Variants in COG5 observed in about 807,000 individuals in gnomAD.
COG5 encodes the protein conserved oligomeric Golgi complex subunit 5.
COG5 carries 86 observed loss-of-function variants against 110.4 expected under a neutral mutation model. The observed-to-expected ratio is 0.78, with a 90% CI of 0.65 to 0.93. COG5 has a LOEUF of 0.93. Ranked by LOEUF, COG5 falls within the 40% of genes least tolerant of loss-of-function variation. COG5 has a pLI of 0.00. For missense variants in COG5, 1,077 were observed against 987.0 expected, an observed-to-expected ratio of 1.09 and a Z score of -1.22; for synonymous variants, 360 against 334.6, an observed-to-expected ratio of 1.08 and a Z score of -0.83.
chr7:107,561,067 A>G (rs1254416031), intron 1 of COG5, among the ~76,000 whole-genome samples: 3 of 152,246 alleles, frequency 2.0e-5, no homozygotes, highest in African/African-American at 7.2e-5. Context: ...GCAAAAGCCA[A>G]AAGAAGGGAT....
intron 21 of COG5, among the ~76,000 whole-genome samples, chr7:107,206,949 T>C (rs189418311): frequency 1.3e-5 from 2 of 152,270 alleles, no homozygotes; most frequent in East Asian, 3.9e-4. Flanking sequence ...CTCTGGTTTG[T>C]AACCAAAATA....
intron 6 of COG5, among the ~76,000 whole-genome samples, chr7:107,438,469 AC>A (rs1464050309): frequency 6.6e-6 from 1 of 152,206 alleles, no homozygotes; most frequent in Admixed American, 6.5e-5. Flanking sequence ...GTTTTAAGCC[AC>A]TGCTTTATCT....
At chr7:107,495,653 C>A (rs944523901) in intron 6 of COG5, among the ~76,000 whole-genome samples, 1 of 152,126 alleles carries the variant, frequency 6.6e-6, no homozygotes, top group Non-Finnish European at 1.5e-5. Context: ...GACTTCAAAG[C>A]AGCTACTATT....
chr7:107,506,996 C>G (rs1245967526), intron 6 of COG5, among the ~76,000 whole-genome samples: 1 of 152,256 alleles, frequency 6.6e-6, no homozygotes, highest in East Asian at 1.9e-4. Flanking sequence ...ACTGGGAAAG[C>G]ACGCAAGGCT....
intron 6 of COG5, among the ~76,000 whole-genome samples, chr7:107,495,574 T>C (rs756154066): frequency 2.0e-5 from 3 of 152,108 alleles, no homozygotes; most frequent in Non-Finnish European, 4.4e-5. Context: ...ATGATCCATA[T>C]GCATGAAAAG....
intron 17 of COG5, among the ~76,000 whole-genome samples, chr7:107,244,339 G>C (rs1347270460): frequency 6.6e-6 from 1 of 152,136 alleles, no homozygotes; most frequent in African/African-American, 2.4e-5. Context: ...CTGTTAAGAG[G>C]AAAATTCATA....
chr7:107,515,702 T>C (rs1241799992), intron 6 of COG5, among the ~76,000 whole-genome samples: 1 of 152,212 alleles, frequency 6.6e-6, no homozygotes, highest in African/African-American at 2.4e-5. Flanking sequence ...AGAAACTCCC[T>C]ACAAATCATC....
chr7:107,454,564 G>C (rs747052066), intron 6 of COG5, among the ~76,000 whole-genome samples: 11 of 152,088 alleles, frequency 7.2e-5, no homozygotes, highest in Admixed American at 5.2e-4. Context: ...CTTAGTATAA[G>C]GATGATCCTG....
Position 107,312,961 on chromosome 7 carries a change from T to C in COG5, c.1108+11479A>G, listed in dbSNP as rs577318672. ...ATGGAACATTTGCTGAGTTCTGCGATTGTGAGGGAAGCCAGGGAATTAGGT... is the reference window on the plus strand; with the variant it reads ...ATGGAACATTTGCTGAGTTCTGCGACTGTGAGGGAAGCCAGGGAATTAGGT... On this transcript the variant is annotated intron_variant, in intron 11 of 21. Transcript: ENST00000297135. Among the ~76,000 whole-genome samples the C allele has an allele frequency of 5.3e-5, 8 of 152,258 alleles. No homozygotes were observed. In the East Asian group the frequency reaches 1.4e-3, roughly 26 times the overall value.
At chr7:107,442,999 T>G (rs1375470331) in intron 6 of COG5, among the ~76,000 whole-genome samples, 1 of 152,138 alleles carries the variant, frequency 6.6e-6, no homozygotes, top group Non-Finnish European at 1.5e-5. Flanking sequence ...TGCAGGTCCA[T>G]GAAAATAGGA....
At chr7:107,471,455 C>T (rs1018417127) in intron 6 of COG5, 1 of 151,958 alleles carries the variant, frequency 6.6e-6, no homozygotes, top group African/African-American at 2.4e-5. Context: ...GTCTGAACTA[C>T]GAACTGCAAG....
At chr7:107,517,456 G>C (rs549645744) in intron 6 of COG5, among the ~76,000 whole-genome samples, 1 of 152,240 alleles carries the variant, frequency 6.6e-6, no homozygotes, top group East Asian at 1.9e-4. Context: ...CCCCAGCCTA[G>C]CAAGACAGGC....
chr7:107,413,938 C>A (rs1271293469), intron 6 of COG5, among the ~76,000 whole-genome samples: 2 of 152,136 alleles, frequency 1.3e-5, no homozygotes, highest in African/African-American at 2.4e-5. Context: ...ATTCACTTGG[C>A]TAGTAACCGG....
intron 7 of COG5, among the ~76,000 whole-genome samples, chr7:107,391,068 A>C (rs1790589561): frequency 6.6e-6 from 1 of 152,122 alleles, no homozygotes; most frequent in Non-Finnish European, 1.5e-5. Flanking sequence ...TTGACCATCC[A>C]CGGATGCATG....
chr7:107,517,121 A>G (rs545018660), intron 6 of COG5, among the ~76,000 whole-genome samples: 9 of 152,340 alleles, frequency 5.9e-5, no homozygotes, highest in Non-Finnish European at 1.3e-4. Context: ...AAAAGGTTAC[A>G]GGAGCTGCTA....
chr7:107,561,412 T>C (rs1803764882), intron 1 of COG5, among the ~76,000 whole-genome samples: 1 of 152,180 alleles, frequency 6.6e-6, no homozygotes, highest in Non-Finnish European at 1.5e-5. Flanking sequence ...AACTGACAAG[T>C]ATCTACAGGA....
chr7:107,300,436 A>G (rs1221653445), intron 11 of COG5, among the ~76,000 whole-genome samples: 1 of 152,184 alleles, frequency 6.6e-6, no homozygotes, highest in African/African-American at 2.4e-5. Flanking sequence ...CTGATGGAAT[A>G]TGAGAAAAGC....
intron 6 of COG5, among the ~76,000 whole-genome samples, chr7:107,432,512 A>T (rs757111352): frequency 3.9e-5 from 6 of 152,184 alleles, no homozygotes; most frequent in African/African-American, 7.2e-5. Flanking sequence ...ATAAGTACAG[A>T]CCACAGGAAA....
intron 14 of COG5, among the ~76,000 whole-genome samples, chr7:107,266,557 ATTC>A (rs1382658330): frequency 2.6e-5 from 4 of 152,110 alleles, no homozygotes; most frequent in East Asian, 3.8e-4. Flanking sequence ...GGTGTTTCCT[ATTC>A]TTCTTTAAAT....
Sources: gnomAD v4.1 joint callset for allele counts (sites outside exome capture counted in the v4.1 genomes callset) on GRCh38, gnomAD v4.1.1 for gene constraint, MANE v1.5 for transcripts, NCBI Gene and HGNC (gene_info 2026-07-23, HGNC 2026-07-21) for gene names.